EVC: variants seen among roughly 807,000 people sequenced by gnomAD.
The protein encoded by EVC is evC complex member EVC.
EVC carries 116 observed loss-of-function variants against 118.9 expected under a neutral mutation model. The ratio of observed to expected loss-of-function variants is 0.98; its 90% confidence interval spans 0.84 to 1.14. The LOEUF is 1.14. EVC is among the 50% of genes most tolerant of loss of function. EVC has a pLI of 0.00. For synonymous variants in EVC, 619 were observed against 534.7 expected, an observed-to-expected ratio of 1.16 and a Z score of -2.18; for missense variants, 1,401 against 1,246.4, an observed-to-expected ratio of 1.12 and a Z score of -1.87.
chr4:5,804,254 G>A (rs1018229765), intron 16 of EVC, among the ~76,000 whole-genome samples: 1 of 152,074 alleles, frequency 6.6e-6, no homozygotes, highest in African/African-American at 2.4e-5. Context: ...TACTTTTAAA[G>A]CTTTTAAAAG....
rs1731003065 is a variant in EVC, at chr4:5,755,378, A to C, written c.1465-886A>C. 6.6e-6 allele frequency among the ~76,000 whole-genome samples: 1 copy of C among 152,078 alleles called. No individual in the cohort carries two copies. The highest frequency in any genetic ancestry group is 2.4e-5 in the African/African-American group (1 of 41,402). On this transcript the variant is annotated intron_variant, in intron 10 of 20. Coordinates refer to ENST00000264956, the MANE Select transcript of EVC (RefSeq NM_153717.3). The surrounding 1 kb of genome is among the most constrained non-coding windows in gnomAD (Gnocchi z 4.1). Reference sequence around the variant, plus strand: ...CAGGCAGGGAAGGGTGAATGAGCGCATGCGTGCCTGAATGAACCAGGACAT... The same window carrying C: ...CAGGCAGGGAAGGGTGAATGAGCGCCTGCGTGCCTGAATGAACCAGGACAT...
intron 11 of EVC, among the ~76,000 whole-genome samples, chr4:5,774,079 G>C (rs1299793241): frequency 6.6e-6 from 1 of 151,864 alleles, no homozygotes; most frequent in East Asian, 1.9e-4. Context: ...CAGATCACTT[G>C]GCAGTGTGTA....
chr4:5,788,239 C>T (rs918342225), intron 12 of EVC, among the ~76,000 whole-genome samples: 2 of 152,160 alleles, frequency 1.3e-5, no homozygotes, highest in African/African-American at 4.8e-5. Context: ...GTCAGGGGTC[C>T]AGGCACAGTT....
intron 1 of EVC, among the ~76,000 whole-genome samples, chr4:5,718,663 T>G (rs1724391343): frequency 6.6e-6 from 1 of 152,208 alleles, no homozygotes; most frequent in Non-Finnish European, 1.5e-5. Flanking sequence ...CATGTATTTG[T>G]GAATAACTGT....
At chr4:5,825,479 A>C in the EVC span, 6 of 1,555,442 alleles carry the variant, frequency 3.9e-6, no homozygotes, top group African/African-American at 1.4e-5. The surrounding 1 kb of genome is among the most constrained non-coding windows in gnomAD (Gnocchi z 4.4). Flanking sequence ...AGCCTGGGCC[A>C]CCACTCTTTC....
the EVC span, chr4:5,824,974 C>T: frequency 1.0e-6 from 1 of 985,412 alleles, no homozygotes; most frequent in Non-Finnish European, 1.2e-6. Context: ...TATTTTGACA[C>T]TGGATTTCTT....
intron 11 of EVC, among the ~76,000 whole-genome samples, chr4:5,777,594 AC>A (rs1734892092): frequency 6.6e-6 from 1 of 152,160 alleles, no homozygotes; most frequent in South Asian, 2.1e-4. Context: ...GATCTTTGCA[AC>A]TTTTATGAAG....
chr4:5,825,205 G>A, the EVC span: 2 of 985,304 alleles, frequency 2.0e-6, no homozygotes, highest in Non-Finnish European at 2.4e-6. This position sits in a 1 kb window ranked among gnomAD's most constrained non-coding sequence, Gnocchi z 4.4. Flanking sequence ...GTGTGAAAGT[G>A]TCCCCAAATG....
chr4:5,728,724 C>T (rs1195841495), intron 2 of EVC, among the ~76,000 whole-genome samples: 1 of 152,154 alleles, frequency 6.6e-6, no homozygotes, highest in Non-Finnish European at 1.5e-5. Flanking sequence ...GGTCTAATCC[C>T]AACTCTTGTG....
Position 5,798,711 on chromosome 4 carries a change from G to A in EVC, c.2223G>A (p.Glu741=). The A allele has an allele frequency of 6.2e-7, 1 of 1,610,316 alleles. No homozygotes were observed. Among genetic ancestry groups the A allele is most frequent in the East Asian group, 2.2e-5 (1 of 44,834 alleles). ...EVGQLLQQHM[E]CAIGQALLVH... ...GGCAGCTTCTGCAGCAGCACATGGA[G>A]TGCGCCATTGGGCAGGCGCTGCTGG... The change falls in exon 15 of 21, where the codon GAG becomes GAA. Residue 741 remains glutamate (E), a synonymous_variant. Coordinates refer to ENST00000264956, the MANE Select transcript of EVC (RefSeq NM_153717.3). The surrounding 1 kb of genome is among the most constrained non-coding windows in gnomAD (Gnocchi z 4.1).
Position 5,793,694 on chromosome 4 carries a change from C to T in EVC, c.1863C>T (p.Gly621=). Residue 621 remains glycine (G), a synonymous_variant, in exon 13 of 21, where the codon GGC becomes GGT. Transcript: ENST00000264956. ...DHEGTIRGVL[G]RLGGLTEEST... is the part of the protein sequence containing the mutation. Reference sequence around the variant, plus strand: ...AGGGCACCATCCGCGGCGTCTTGGGCCGACTGGGCGGCCTCACTGAAGAGT... The same window carrying T: ...AGGGCACCATCCGCGGCGTCTTGGGTCGACTGGGCGGCCTCACTGAAGAGT... 1 of 1,550,870 alleles carries T rather than the reference C, an allele frequency of 6.4e-7. No individual in the cohort carries two copies. Among genetic ancestry groups the T allele is most frequent in the Non-Finnish European group, 8.7e-7 (1 of 1,147,402 alleles).
Position 5,719,982 on chromosome 4 carries a change from T to G in EVC, c.300+609T>G, listed in dbSNP as rs1033440897. The stretch of plus-strand genomic sequence containing the variant: ...TCTGTTTATTTTCATTTCATTTTAC[T>G]TCCTTTAATTAAATCTCTGGGGGTG... On this transcript the variant is annotated intron_variant, in intron 2 of 20. Transcript: ENST00000264956. The surrounding 1 kb of genome is among the most constrained non-coding windows in gnomAD (Gnocchi z 4.7). Among the ~76,000 whole-genome samples, 4 of 152,190 alleles carry G rather than the reference T, an allele frequency of 2.6e-5. No individual in the cohort carries two copies. Among genetic ancestry groups the G allele is most frequent in the African/African-American group, 7.2e-5 (3 of 41,436 alleles).
chr4:5,825,752 C>A, the EVC span: 1 of 1,320,600 alleles, frequency 7.6e-7, no homozygotes, highest in South Asian at 1.3e-5. This position sits in a 1 kb window ranked among gnomAD's most constrained non-coding sequence, Gnocchi z 4.4. Context: ...GAGAGAGAAA[C>A]CTGAGGTCAC....
At chr4:5,761,296 T>C (rs944914695) in intron 11 of EVC, among the ~76,000 whole-genome samples, 1 of 152,020 alleles carries the variant, frequency 6.6e-6, no homozygotes, top group Non-Finnish European at 1.5e-5. Flanking sequence ...CCAGTGGGGA[T>C]GAGCCCAGAT....
At chr4:5,721,717 A>G (rs1724992043) in intron 2 of EVC, among the ~76,000 whole-genome samples, 1 of 152,124 alleles carries the variant, frequency 6.6e-6, no homozygotes, top group Non-Finnish European at 1.5e-5. Context: ...AAATACAAAA[A>G]TCAGCTGGGT....
chr4:5,786,811 G>C (rs1018169303), intron 12 of EVC, among the ~76,000 whole-genome samples: 1 of 150,060 alleles, frequency 6.7e-6, no homozygotes, highest in Non-Finnish European at 1.5e-5. Context: ...GGCAGAGCTT[G>C]CAGTGAGCCG....
At position 5,753,839 on chromosome 4, in the gene EVC, AG is replaced by A. The variant is rs760607210; in HGVS notation, c.1373del (p.Gly458GlufsTer42). On this transcript the variant is annotated frameshift_variant, in exon 10 of 21. Coordinates refer to ENST00000264956, the MANE Select transcript of EVC (RefSeq NM_153717.3). LOFTEE classifies it high-confidence loss of function. ...ACGGCGTCTCTGGCTCACCAGGTGG[AG>A]GGAACGGCAAAACTCACGCTGGCCC... ...LVTASLAHQV[E>X]GTAKLTLAQE... 6.2e-7 allele frequency: 1 copy of A among 1,614,122 alleles called. No individual in the cohort carries two copies. Among genetic ancestry groups the A allele is most frequent in the Non-Finnish European group, 8.5e-7 (1 of 1,180,012 alleles).
In EVC at chr4:5,738,818, C is replaced by T. The variant is rs113796488; in HGVS notation, c.703-2898C>T. Among the ~76,000 whole-genome samples, 21,524 of 152,028 alleles carry T rather than the reference C, an allele frequency of 0.14. 1,980 individuals carry two copies. The highest frequency in any genetic ancestry group is 0.2 in the Non-Finnish European group (13,740 of 67,958). On this transcript the variant is annotated intron_variant, in intron 5 of 20. Transcript: ENST00000264956. This position sits in a 1 kb window ranked among gnomAD's most constrained non-coding sequence, Gnocchi z 6.5. ...CTTGACCTTGTGATCCACCTGCCTC[C>T]GCCTCCCAAAGTGCTGGGATTACGG...
intron 1 of EVC, among the ~76,000 whole-genome samples, chr4:5,714,492 T>C (rs904142826): frequency 9.4e-6 from 1 of 106,738 alleles, no homozygotes; most frequent in African/African-American, 3.7e-5. Context: ...TGCTGCTGCT[T>C]GCATTTTTTT....
Sources: gnomAD v4.1 joint callset for allele counts (sites outside exome capture counted in the v4.1 genomes callset) on GRCh38, gnomAD v4.1.1 for gene constraint, Gnocchi (gnomAD v3.1) non-coding constraint, MANE v1.5 for transcripts, NCBI Gene and HGNC (gene_info 2026-07-23, HGNC 2026-07-21) for gene names.